Variants in PAK3 observed in about 807,000 individuals in gnomAD.
PAK3 encodes p21 (RAC1) activated kinase 3.
Under a neutral mutation model 41.0 loss-of-function variants are expected in PAK3, and 4 were observed. That is an observed-to-expected ratio of 0.10 (90% CI 0.05 to 0.22). The LOEUF (loss-of-function observed/expected upper bound fraction) is 0.22, where lower values mean the gene tolerates loss of function less well. Ranked by LOEUF, PAK3 falls within the 10% of genes least tolerant of loss-of-function variation. PAK3 has a pLI of 1.00. For missense variants in PAK3, 205 were observed against 409.9 expected (o/e 0.50, Z 4.32); for synonymous variants, 146 against 139.6 (o/e 1.05, Z -0.32).
chrX:111,188,103 AT>A (rs920102882), intron 11 of PAK3, among the ~76,000 whole-genome samples: 4 of 108,965 alleles, frequency 3.7e-5, no homozygotes, highest in Admixed American at 3.0e-4. Context: ...ATTTGTCGCA[AT>A]TTTATACCAC....
At chrX:111,220,335 CCT>C in intron 17 of PAK3, 21 bp from the exon 18 acceptor site, 3 of 1,007,143 alleles carry the variant, frequency 3.0e-6, no homozygotes, top group African/African-American at 3.7e-5. Flanking sequence ...TCCAATAATT[CCT>C]CTTTTTCCTT....
At chrX:111,219,190 AAATAATAAT>A (rs3062744) in intron 17 of PAK3, among the ~76,000 whole-genome samples, 889 of 84,379 alleles carry the variant, frequency 0.011, 5 homozygotes, top group African/African-American at 0.019. Flanking sequence ...AGTCCATCTC[AAATAATAAT>A]AATAATAATA....
At chrX:111,068,507 G>A (rs2092717823) in intron 1 of PAK3, among the ~76,000 whole-genome samples, 1 of 111,963 alleles carries the variant, frequency 8.9e-6, no homozygotes. Context: ...TTGCCATGTT[G>A]CTTAGGCTGG....
chrX:111,081,132 G>C (rs185221043), intron 1 of PAK3, among the ~76,000 whole-genome samples: 76 of 111,826 alleles, frequency 6.8e-4, no homozygotes, highest in Non-Finnish European at 1.0e-3. Flanking sequence ...AGTTAGATAG[G>C]AGAAATAAAT....
intron 5 of PAK3, among the ~76,000 whole-genome samples, chrX:111,127,957 A>G (rs1428875008): frequency 8.9e-6 from 1 of 112,675 alleles, no homozygotes; most frequent in Non-Finnish European, 1.9e-5. Flanking sequence ...TAATAAATAC[A>G]TGAATAAATA....
At chrX:111,106,552 C>G (rs771262508) in intron 4 of PAK3, among the ~76,000 whole-genome samples, 112 of 110,993 alleles carry the variant, frequency 1.0e-3, no homozygotes, top group Non-Finnish European at 1.8e-3. Context: ...CACATTGACC[C>G]ACATCTATTC....
rs776506905 is a variant in PAK3 at position 111,022,966 on chromosome X, T to C, written c.-28+78338T>C. On this transcript the variant is annotated intron_variant, in intron 1 of 14. Transcript: ENST00000425146. Reference sequence around the variant, plus strand: ...TGCAGGTTTGTTACATAGGTATACATGTGCTGTGTTGGTTTACTGCACCCA... The same window carrying C: ...TGCAGGTTTGTTACATAGGTATACACGTGCTGTGTTGGTTTACTGCACCCA... Among the ~76,000 whole-genome samples, 12 of 110,777 alleles carry C rather than the reference T, an allele frequency of 1.1e-4. No homozygotes were observed. In the East Asian group the frequency reaches 3.1e-3, roughly 29 times the overall value.
chrX:110,964,332 C>T (rs919920234), intron 1 of PAK3, among the ~76,000 whole-genome samples: 2 of 112,152 alleles, frequency 1.8e-5, no homozygotes, highest in African/African-American at 3.2e-5. Context: ...AACTCTAATT[C>T]GTGTATGAAT....
chrX:111,192,709 C>T, intron 13 of PAK3, 91 bp downstream of exon 13: 2 of 524,345 alleles, frequency 3.8e-6, no homozygotes, highest in Non-Finnish European at 6.8e-6. Context: ...GTTCATTTAA[C>T]ATTCTGCAAA....
At chrX:111,152,347 T>C in intron 7 of PAK3, 63 bp from the exon 8 acceptor site, 1 of 741,666 alleles carries the variant, frequency 1.3e-6, no homozygotes, top group Non-Finnish European at 2.1e-6. Context: ...ATTTTTCTGG[T>C]GTGGTCTCTG....
At chrX:111,075,385 C>T (rs1211673827) in intron 1 of PAK3, among the ~76,000 whole-genome samples, 1 of 112,816 alleles carries the variant, frequency 8.9e-6, no homozygotes, top group Non-Finnish European at 1.9e-5. Flanking sequence ...TGCATCCCTA[C>T]TGCTCCAGCT....
chrX:111,145,046 T>C, intron 6 of PAK3: 1 of 401,066 alleles, frequency 2.5e-6, no homozygotes, highest in Non-Finnish European at 4.5e-6. Flanking sequence ...GTTGGTATCC[T>C]ATACACAGTC....
At chrX:111,182,341 C>T (rs1470656857) in intron 11 of PAK3, among the ~76,000 whole-genome samples, 1 of 109,953 alleles carries the variant, frequency 9.1e-6, no homozygotes, top group South Asian at 4.1e-4. Flanking sequence ...TGTGTTACAG[C>T]TCTCTTTAAA....
In PAK3 at chrX:111,160,588, G is replaced by A. The variant is rs202239243; in HGVS notation, c.469-2327G>A. 7.4e-5 allele frequency among the ~76,000 whole-genome samples: 8 copies of A among 108,819 alleles called. No individual in the cohort carries two copies. In the East Asian group the frequency reaches 1.4e-3, roughly 20 times the overall value. The allele number at this position is 108,819 out of a possible 115,157, so 94.5% of individuals were successfully genotyped here. ...CCATTAACTCATCATTTAGCATTAG[G>A]TATATCACCTAATGCTATCCCTCCC... On this transcript the variant is annotated intron_variant, in intron 8 of 17. Coordinates refer to ENST00000372007, the MANE Select transcript of PAK3 (RefSeq NM_002578.5).
chrX:110,968,039 G>C (rs996154663), intron 1 of PAK3, among the ~76,000 whole-genome samples: 1 of 112,245 alleles, frequency 8.9e-6, no homozygotes, highest in Non-Finnish European at 1.9e-5. Context: ...CATCTCTATA[G>C]TTTTGTCATT....
At chrX:111,046,109 G>C (rs1181312175) in intron 1 of PAK3, among the ~76,000 whole-genome samples, 4 of 111,620 alleles carry the variant, frequency 3.6e-5, no homozygotes. Flanking sequence ...AACTTGTATG[G>C]GGGCTGAGGC....
intron 1 of PAK3, among the ~76,000 whole-genome samples, chrX:111,031,314 A>G (rs1208853928): frequency 9.0e-6 from 1 of 111,525 alleles, no homozygotes; most frequent in Non-Finnish European, 1.9e-5. Flanking sequence ...TGTATGGGAA[A>G]GAGGTACTGG....
intron 4 of PAK3, among the ~76,000 whole-genome samples, chrX:111,120,448 A>G (rs2093550223): frequency 8.9e-6 from 1 of 112,051 alleles, no homozygotes; most frequent in Non-Finnish European, 1.9e-5. Context: ...AGGAACAAAA[A>G]AGGCCACTCT....
At chrX:111,136,066 T>C (rs775842370) in intron 5 of PAK3, among the ~76,000 whole-genome samples, 19 of 109,939 alleles carry the variant, frequency 1.7e-4, no homozygotes, top group Admixed American at 6.8e-4. Flanking sequence ...GATAAATTCA[T>C]AGGGGCGGGA....
Sources: gnomAD v4.1 joint callset for allele counts (sites outside exome capture counted in the v4.1 genomes callset) on GRCh38, gnomAD v4.1.1 for gene constraint, MANE v1.5 for transcripts, NCBI Gene and HGNC (gene_info 2026-07-23, HGNC 2026-07-21) for gene names.